CHD9: variants seen among roughly 807,000 people sequenced by gnomAD.
The protein encoded by CHD9 is ATP-dependent chromatin remodeler CHD9.
A neutral mutation model predicts 316.1 loss-of-function variants in CHD9; 77 were observed. That is an observed-to-expected ratio of 0.24 (90% CI 0.20 to 0.29). The LOEUF (loss-of-function observed/expected upper bound fraction) is 0.29, where lower values mean the gene tolerates loss of function less well. CHD9 is among the 10% of genes least tolerant of loss of function. The pLI, the probability that CHD9 is intolerant of heterozygous loss-of-function variation, is 1.00. For synonymous variants in CHD9, 1,129 were observed against 1,158.3 expected (o/e 0.97, Z 0.51); for missense variants, 2,763 against 3,438.1 (o/e 0.80, Z 4.91).
intron 1 of CHD9, among the ~76,000 whole-genome samples, chr16:53,139,134 A>G (rs551693166): frequency 6.6e-6 from 1 of 152,194 alleles, no homozygotes; most frequent in African/African-American, 2.4e-5. Context: ...ACAAAGATAG[A>G]TATAGTGCTT....
At chr16:53,162,783 C>CAT (rs1234899531) in intron 2 of CHD9, among the ~76,000 whole-genome samples, 161 of 133,920 alleles carry the variant, frequency 1.2e-3, no homozygotes, top group African/African-American at 4.0e-3. Context: ...ACATATAAGC[C>CAT]TTTTTTTTTT....
intron 37 of CHD9, among the ~76,000 whole-genome samples, chr16:53,318,750 C>T (rs953512508): frequency 2.0e-5 from 3 of 152,160 alleles, no homozygotes; most frequent in African/African-American, 7.2e-5. Context: ...GCTGCTAAAC[C>T]TCCTACAGTA....
intron 1 of CHD9, among the ~76,000 whole-genome samples, chr16:53,142,585 G>T (rs2040205219): frequency 6.6e-6 from 1 of 152,206 alleles, no homozygotes; most frequent in African/African-American, 2.4e-5. Context: ...GGGATTACAG[G>T]CATGAGCCAC....
intron 3 of CHD9, among the ~76,000 whole-genome samples, chr16:53,210,842 C>T (rs1246568258): frequency 6.6e-6 from 1 of 152,034 alleles, no homozygotes; most frequent in African/African-American, 2.4e-5. Flanking sequence ...TTATGTCATT[C>T]AGGTCCAAAC....
At chr16:53,303,220 G>C (rs567284745) in intron 30 of CHD9, among the ~76,000 whole-genome samples, 2 of 145,668 alleles carry the variant, frequency 1.4e-5, no homozygotes, top group African/African-American at 5.1e-5. Context: ...AAGCTCATCA[G>C]CTATCGTTAG....
chr16:53,075,500 A>T (rs987785049), intron 1 of CHD9, among the ~76,000 whole-genome samples: 2 of 152,066 alleles, frequency 1.3e-5, no homozygotes, highest in Admixed American at 6.6e-5. Flanking sequence ...CATAAATCCC[A>T]TGTGTTGTGG....
At chr16:53,224,266 C>T (rs1486448353) in intron 4 of CHD9, among the ~76,000 whole-genome samples, 2 of 152,018 alleles carry the variant, frequency 1.3e-5, no homozygotes, top group Non-Finnish European at 2.9e-5. Flanking sequence ...AAGCACATGC[C>T]AAAAATGTGG....
At chr16:53,108,564 A>G (rs989126970) in intron 1 of CHD9, among the ~76,000 whole-genome samples, 2 of 151,956 alleles carry the variant, frequency 1.3e-5, no homozygotes, top group Non-Finnish European at 2.9e-5. Context: ...AGATAGATGC[A>G]GATATCAATT....
chr16:53,208,145 TG>T, intron 2 of CHD9: 1 of 1,076,854 alleles, frequency 9.3e-7, no homozygotes, highest in South Asian at 2.4e-5. Flanking sequence ...GATATAAACT[TG>T]CCAAGGCAGA....
chr16:53,186,395 C>T (rs2044008306), intron 2 of CHD9, among the ~76,000 whole-genome samples: 1 of 152,116 alleles, frequency 6.6e-6, no homozygotes, highest in Non-Finnish European at 1.5e-5. Context: ...ATATGTTTAC[C>T]CAATGCTTGT....
At chr16:53,226,223 T>A in intron 4 of CHD9, 143 bp from the exon 5 acceptor site, 1 of 514,976 alleles carries the variant, frequency 1.9e-6, no homozygotes, top group Non-Finnish European at 3.3e-6. Flanking sequence ...TTCCTCTAAT[T>A]AAAAACAAAA....
At chr16:53,262,944 C>T in intron 19 of CHD9, 43 bp from the exon 20 acceptor site, 4 of 1,438,688 alleles carry the variant, frequency 2.8e-6, no homozygotes, top group Non-Finnish European at 3.9e-6. Context: ...TTTAAGTGTA[C>T]TTTGATAGAT....
At chr16:53,269,352 T>C (rs990214816) in intron 22 of CHD9, among the ~76,000 whole-genome samples, 1 of 152,174 alleles carries the variant, frequency 6.6e-6, no homozygotes, top group Non-Finnish European at 1.5e-5. Flanking sequence ...GAATGGCTGG[T>C]GTGTGTCTTG....
chr16:53,174,755 C>T (rs1046688024), intron 2 of CHD9, among the ~76,000 whole-genome samples: 3 of 152,098 alleles, frequency 2.0e-5, no homozygotes, highest in Admixed American at 1.3e-4. Flanking sequence ...ACCACAGGCA[C>T]GTGCCACCAT....
chr16:53,130,821 G>C (rs534925311), intron 1 of CHD9: 6 of 151,836 alleles, frequency 4.0e-5, no homozygotes, highest in Non-Finnish European at 8.8e-5. Context: ...CGGCAGGAGC[G>C]GCGGCGGTCA....
At chr16:53,093,472 G>A (rs577601791) in intron 1 of CHD9, among the ~76,000 whole-genome samples, 3 of 152,204 alleles carry the variant, frequency 2.0e-5, no homozygotes, top group Non-Finnish European at 2.9e-5. Context: ...AACCCAATTC[G>A]CTCATTCAAG....
intron 2 of CHD9, among the ~76,000 whole-genome samples, chr16:53,203,009 A>G (rs997442926): frequency 1.3e-5 from 2 of 152,180 alleles, no homozygotes; most frequent in Non-Finnish European, 2.9e-5. Context: ...TTTTCTCTTT[A>G]AACATGTATT....
chr16:53,157,698 A>G lies in CHD9; in HGVS notation c.1452+157A>G, dbSNP rs527464776. Among the ~76,000 whole-genome samples, 7 of 152,324 alleles carry G rather than the reference A, an allele frequency of 4.6e-5. No homozygotes were observed. In the East Asian group the frequency reaches 1.2e-3, roughly 25 times the overall value. ...TGATATAGGTTTATATTGTTTTACAAGTCTTGTATTGAAAGTGATTCACTG... is the reference window on the plus strand; with the variant it reads ...TGATATAGGTTTATATTGTTTTACAGGTCTTGTATTGAAAGTGATTCACTG... On this transcript the variant is annotated intron_variant, in intron 2 of 38. Coordinates refer to ENST00000447540, the MANE Select transcript of CHD9 (RefSeq NM_001308319.2).
At chr16:53,230,947 T>G (rs1010280656) in intron 8 of CHD9, among the ~76,000 whole-genome samples, 2 of 152,102 alleles carry the variant, frequency 1.3e-5, no homozygotes, top group African/African-American at 4.8e-5. Flanking sequence ...CATTAGAAAA[T>G]GCAGGAGGAG....
Sources: gnomAD v4.1 joint callset for allele counts (sites outside exome capture counted in the v4.1 genomes callset) on GRCh38, gnomAD v4.1.1 for gene constraint, MANE v1.5 for transcripts, NCBI Gene and HGNC (gene_info 2026-07-23, HGNC 2026-07-21) for gene names.